LRRC7: variants seen among roughly 807,000 people sequenced by gnomAD.
LRRC7 encodes the protein leucine rich repeat containing 7, also known as leucine-rich repeat-containing protein 7.
LRRC7 carries 23 observed loss-of-function variants against 175.7 expected under a neutral mutation model. That is an observed-to-expected ratio of 0.13 (90% confidence interval 0.09 to 0.19). The LOEUF (loss-of-function observed/expected upper bound fraction) is 0.19, where lower values mean the gene tolerates loss of function less well. LRRC7 is among the 10% of genes least tolerant of loss of function. The pLI is 1.00. For missense variants in LRRC7, 1,354 were observed against 1,904.7 expected, an observed-to-expected ratio of 0.71 and a Z score of 5.38; for synonymous variants, 685 against 680.9, an observed-to-expected ratio of 1.01 and a Z score of -0.09.
At chr1:69,940,609 T>C (rs1359825091) in intron 8 of LRRC7, among the ~76,000 whole-genome samples, 1 of 152,000 alleles carries the variant, frequency 6.6e-6, no homozygotes, top group Non-Finnish European at 1.5e-5. Flanking sequence ...ATCAAGACTT[T>C]ACAAAGAATC....
chr1:69,673,986 CAT>C (rs1659451146), intron 1 of LRRC7, among the ~76,000 whole-genome samples: 1 of 151,720 alleles, frequency 6.6e-6, no homozygotes, highest in African/African-American at 2.4e-5. Context: ...ATATAAATAT[CAT>C]ATTTATATAT....
At chr1:69,773,443 AG>A (rs1380632361) in intron 3 of LRRC7, among the ~76,000 whole-genome samples, 3 of 152,228 alleles carry the variant, frequency 2.0e-5, no homozygotes, top group African/African-American at 7.2e-5. Context: ...GTGAGCTGAA[AG>A]GACGGGAAGT....
rs35799015 is a variant in LRRC7 at position 69,753,296 on chromosome 1, A to ATGTGTGTG, written c.101-6873_101-6866dup. The stretch of plus-strand genomic sequence containing the variant: ...ATAAATCATTGTCGTGTGTGTGTGT[A>ATGTGTGTG]TGTGTGTGTGTGTGTGTGTGTGTGT... On this transcript the variant is annotated intron_variant, in intron 2 of 26. Coordinates refer to ENST00000651989, the MANE Select transcript of LRRC7 (RefSeq NM_001370785.2). Among the ~76,000 whole-genome samples the ATGTGTGTG allele has an allele frequency of 5.0e-3, 733 of 146,308 alleles. 6 individuals are homozygous for ATGTGTGTG. The highest frequency in any genetic ancestry group is 0.018 in the African/African-American group (686 of 38,732).
chr1:69,654,325 T>G (rs1025781136), intron 1 of LRRC7, among the ~76,000 whole-genome samples: 15 of 152,118 alleles, frequency 9.9e-5, no homozygotes, highest in Admixed American at 1.3e-4. Context: ...CAATGGAAAC[T>G]ATACGTATAA....
chr1:69,682,479 AT>A (rs1200268221), intron 2 of LRRC7, among the ~76,000 whole-genome samples: 1 of 152,032 alleles, frequency 6.6e-6, no homozygotes, highest in Admixed American at 6.6e-5. Flanking sequence ...ATCTTACTTG[AT>A]TTTTTAGCAG....
At chr1:69,902,300 T>A (rs1294744161) in intron 7 of LRRC7, among the ~76,000 whole-genome samples, 1 of 152,212 alleles carries the variant, frequency 6.6e-6, no homozygotes, top group Non-Finnish European at 1.5e-5. Flanking sequence ...CCAGGTGTGG[T>A]GGCTCACACC....
chr1:69,719,924 A>G (rs1666168714), intron 2 of LRRC7, among the ~76,000 whole-genome samples: 1 of 151,548 alleles, frequency 6.6e-6, no homozygotes, highest in African/African-American at 2.4e-5. Flanking sequence ...TGTTTTTAGC[A>G]CAAACACTGC....
intron 7 of LRRC7, among the ~76,000 whole-genome samples, chr1:69,900,922 C>T (rs74539903): frequency 6.6e-6 from 1 of 152,138 alleles, no homozygotes; most frequent in Admixed American, 6.6e-5. Flanking sequence ...CATTTAGCCA[C>T]TATAAATAGT....
intron 7 of LRRC7, among the ~76,000 whole-genome samples, chr1:69,870,632 TCCCG>T (rs1685434241): frequency 6.6e-6 from 1 of 152,120 alleles, no homozygotes; most frequent in Admixed American, 6.6e-5. Context: ...TACATGCAAT[TCCCG>T]ATGCCTAGAA....
chr1:69,662,215 T>G (rs2100536122), intron 1 of LRRC7, among the ~76,000 whole-genome samples: 1 of 152,280 alleles, frequency 6.6e-6, no homozygotes, highest in South Asian at 2.1e-4. Context: ...AACCATAAGC[T>G]CATTAGTACT....
chr1:69,864,958 A>C (rs1684749817), intron 7 of LRRC7, among the ~76,000 whole-genome samples: 2 of 152,182 alleles, frequency 1.3e-5, no homozygotes, highest in African/African-American at 4.8e-5. Context: ...ATAAGGGCAC[A>C]AAGATTGCTG....
chr1:69,884,928 G>C (rs1447522847), intron 7 of LRRC7, among the ~76,000 whole-genome samples: 2 of 148,584 alleles, frequency 1.3e-5, no homozygotes, highest in African/African-American at 2.5e-5. Context: ...TTATTGATTT[G>C]TGTATATTGA....
At chr1:69,931,715 T>C in intron 8 of LRRC7, 145 bp downstream of exon 8, 1 of 695,158 alleles carries the variant, frequency 1.4e-6, no homozygotes, top group Non-Finnish European at 2.4e-6. Context: ...TAATATTAGC[T>C]TTCACTTTTT....
At chr1:69,886,593 A>G (rs1051036983) in intron 7 of LRRC7, among the ~76,000 whole-genome samples, 1 of 150,540 alleles carries the variant, frequency 6.6e-6, no homozygotes, top group African/African-American at 2.4e-5. Flanking sequence ...TGTGTCTTTT[A>G]ATTGGAGCAT....
At chr1:69,734,416 A>G (rs1383504460) in intron 2 of LRRC7, among the ~76,000 whole-genome samples, 1 of 151,946 alleles carries the variant, frequency 6.6e-6, no homozygotes, top group African/African-American at 2.4e-5. Flanking sequence ...ATTATAATAC[A>G]GTATGTGAGT....
At chr1:69,999,901 G>C (rs553742600) in intron 11 of LRRC7, among the ~76,000 whole-genome samples, 9 of 152,266 alleles carry the variant, frequency 5.9e-5, no homozygotes, top group African/African-American at 2.2e-4. Flanking sequence ...TAAAGTTCCT[G>C]TTCCACTTCC....
At chr1:70,049,520 T>C (rs1660590949) in intron 22 of LRRC7, among the ~76,000 whole-genome samples, 1 of 152,104 alleles carries the variant, frequency 6.6e-6, no homozygotes, top group Non-Finnish European at 1.5e-5. Context: ...TGGCTACCTG[T>C]CCCTCAAGAA....
chr1:69,816,681 T>G (rs1421687272), intron 4 of LRRC7, among the ~76,000 whole-genome samples: 2 of 152,144 alleles, frequency 1.3e-5, no homozygotes. Flanking sequence ...AAAATAACTA[T>G]TTTTTCAAGT....
At position 69,929,671 on chromosome 1, in the gene LRRC7, T is replaced by C. The variant is rs75714931; in HGVS notation, c.648-1836T>C. On this transcript the variant is annotated intron_variant, in intron 7 of 26. Coordinates refer to ENST00000651989, the MANE Select transcript of LRRC7 (RefSeq NM_001370785.2). ...CTTATTTGACTTATTACATTAGCCTTCTCTTTGATCTTCCTTCTTCTACTG... is the reference window on the plus strand; with the variant it reads ...CTTATTTGACTTATTACATTAGCCTCCTCTTTGATCTTCCTTCTTCTACTG... 8.2e-3 allele frequency among the ~76,000 whole-genome samples: 1,249 copies of C among 152,290 alleles called. 16 individuals carry two copies. Among genetic ancestry groups the C allele is most frequent in the African/African-American group, 0.028 (1,145 of 41,552 alleles).
Sources: allele counts gnomAD v4.1 joint callset (sites outside exome capture counted in the v4.1 genomes callset), GRCh38; gene constraint gnomAD v4.1.1; transcripts MANE v1.5; gene names NCBI Gene and HGNC (gene_info 2026-07-23, HGNC 2026-07-21).